The following CLCN2 variants were observed in gnomAD, a reference collection of about 807,000 sequenced individuals.
The protein encoded by CLCN2 is chloride channel protein 2.
A neutral mutation model predicts 108.3 loss-of-function variants in CLCN2; 72 were observed. That is an observed-to-expected ratio of 0.66 (90% CI 0.55 to 0.81). The LOEUF is 0.81. Ranked by LOEUF, CLCN2 falls within the 30% of genes least tolerant of loss-of-function variation. CLCN2 has a pLI of 0.00. For synonymous variants in CLCN2, 471 were observed against 467.1 expected (o/e 1.01, Z -0.11); for missense variants, 1,048 against 1,205.2 (o/e 0.87, Z 1.93).
At chr3:184,349,984 C>T (rs760313683) in intron 22 of CLCN2, among the ~76,000 whole-genome samples, 5 of 152,162 alleles carry the variant, frequency 3.3e-5, no homozygotes, top group Non-Finnish European at 5.9e-5. Context: ...TCTGAATGTT[C>T]CCCTCCTGAA....
chr3:184,347,479 T>C (rs1577299082), intron 22 of CLCN2: 1 of 301,884 alleles, frequency 3.3e-6, no homozygotes, highest in East Asian at 8.4e-5. Flanking sequence ...GGAGTGGCTG[T>C]GCAGCCCCAG....
chr3:184,351,173 A>C (rs1728062971), intron 22 of CLCN2, among the ~76,000 whole-genome samples: 2 of 152,104 alleles, frequency 1.3e-5, no homozygotes, highest in South Asian at 2.1e-4. Context: ...GTGTAAGCTG[A>C]ATGCCCAAGC....
At chr3:184,356,640 A>T in intron 10 of CLCN2, 1 of 133,784 alleles carries the variant, frequency 7.5e-6, no homozygotes, top group Non-Finnish European at 1.6e-5. Context: ...ACTCCGTCTC[A>T]AAAAAAAAAA....
rs769865992 is a variant in CLCN2, at chr3:184,357,756, A to T, written c.693+23T>A. The T allele has an allele frequency of 2.0e-5, 33 of 1,613,692 alleles. 1 individual carries two copies. In the South Asian group the frequency reaches 3.3e-4, roughly 16 times the overall value. ...GTGGGCTCAGCAGCCTCTGCCCCCT[A>T]CTTGCCCCAGGGTTCCCCTTACCTC... is the stretch of plus-strand genomic sequence containing the variant. On this transcript the variant is annotated intron_variant, in intron 6 of 23. Coordinates refer to ENST00000265593, the MANE Select transcript of CLCN2 (RefSeq NM_004366.6).
At chr3:184,352,237 A>G in intron 21 of CLCN2, 56 bp downstream of exon 21, 1 of 1,611,754 alleles carries the variant, frequency 6.2e-7, no homozygotes, top group Non-Finnish European at 8.5e-7. Context: ...AGCAGCCAAC[A>G]TGATGATTGA....
intron 22 of CLCN2, among the ~76,000 whole-genome samples, chr3:184,350,887 A>C (rs879890320): frequency 1.3e-5 from 2 of 152,220 alleles, no homozygotes; most frequent in Non-Finnish European, 2.9e-5. Context: ...TCTCGCACAT[A>C]GCAAGCACTC....
chr3:184,353,859 A>C (rs1258564272), intron 15 of CLCN2, 64 bp from the exon 16 acceptor site: 3 of 1,576,100 alleles, frequency 1.9e-6, no homozygotes, highest in Non-Finnish European at 2.6e-6. Flanking sequence ...GAGCATTGCC[A>C]TCCCAGGGCC....
At position 184,346,740 on chromosome 3, in the gene CLCN2, C is replaced by T. The variant is rs886403826; in HGVS notation, c.2563G>A (p.Ala855Thr). 2.5e-6 allele frequency: 4 copies of T among 1,614,014 alleles called. No individual in the cohort carries two copies. Among genetic ancestry groups the T allele is most frequent in the East Asian group, 4.5e-5 (2 of 44,886 alleles). Residue 855 changes from alanine (A) to threonine (T), a missense_variant, in exon 24 of 24, where the codon GCC becomes ACC. Ala to Thr is a moderately conservative substitution (Grantham distance 58). Transcript: ENST00000265593. This position sits in a 1 kb window ranked among gnomAD's most constrained non-coding sequence, Gnocchi z 6.0. ...CTGGTGGCACTGTCTCGGAAGCTGG[C>T]GAGGGGCGGCCGGACTTTCACACCC... Reference protein sequence around the residue: ...AQGVKVRPPLASFRDSATSSS... With the variant: ...AQGVKVRPPLTSFRDSATSSS...
Position 184,355,508 on chromosome 3 carries a change from C to T in CLCN2, c.1192G>A (p.Val398Ile), listed in dbSNP as rs1233558948. Reference sequence around the variant, plus strand: ...CACGTCCGATTGTCAAACAGGGTGACCAGCGTCTCTTTCTGTGAGAGCTAG... The same window carrying T: ...CACGTCCGATTGTCAAACAGGGTGATCAGCGTCTCTTTCTGTGAGAGCTAG... ...AGQLSQKETL[V>I]TLFDNRTWVR... is the part of the protein sequence containing the mutation. The change falls in exon 12 of 24, where the codon GTC becomes ATC. Residue 398 changes from valine to isoleucine, a missense_variant. Physicochemically the swap from Val to Ile is conservative, Grantham distance 29. Transcript: ENST00000265593. This position sits in a 1 kb window ranked among gnomAD's most constrained non-coding sequence, Gnocchi z 6.3. 8.7e-6 allele frequency: 14 copies of T among 1,613,952 alleles called. No homozygotes were observed. The highest frequency in any genetic ancestry group is 4.5e-5 in the East Asian group (2 of 44,888).
rs1288750989 is a variant in CLCN2, at chr3:184,353,247, C to T, written c.2028+3G>A. On this transcript the variant is annotated splice_donor_region_variant and intron_variant, in intron 17 of 23. Transcript: ENST00000265593. ...AGGAAGCGTTTGTGGCTTTTCCCCT[C>T]ACCTGGAAGCAGACAGAAGCCTCAG... 3.0e-5 allele frequency: 48 copies of T among 1,613,956 alleles called. No individual in the cohort carries two copies. The highest frequency in any genetic ancestry group is 3.8e-5 in the Non-Finnish European group (45 of 1,179,986).
At chr3:184,348,929 CTTT>C in intron 22 of CLCN2, 1 of 152,274 alleles carries the variant, frequency 6.6e-6, no homozygotes, top group Non-Finnish European at 1.5e-5. Flanking sequence ...CTGATGGGTT[CTTT>C]CTGCCTCCCT....
Position 184,357,204 on chromosome 3 carries a change from G to A in CLCN2, c.961C>T (p.Leu321=), listed in dbSNP as rs781668533. The change falls in exon 9 of 24, where the codon CTG becomes TTG. Residue 321 remains leucine, a synonymous_variant. Transcript: ENST00000265593. ...RLDFPFDLQE[L]PAFAVIGIAS... ...CACCCAATGACAGCAAAGGCTGGCA[G>A]CTCCTGCAGGTCAAAGGGGAAGTCG... The A allele has an allele frequency of 1.9e-6, 3 of 1,613,978 alleles. No homozygotes were observed. Among genetic ancestry groups the A allele is most frequent in the Admixed American group, 1.7e-5 (1 of 60,018 alleles).
At chr3:184,353,945 C>T in intron 15 of CLCN2, 150 bp from the exon 16 acceptor site, 2 of 1,393,378 alleles carry the variant, frequency 1.4e-6, no homozygotes, top group South Asian at 1.3e-5. Context: ...TCTTTCTGAA[C>T]AGCAGGGGCC....
chr3:184,350,820 C>A (rs879465112), intron 22 of CLCN2, among the ~76,000 whole-genome samples: 4 of 152,158 alleles, frequency 2.6e-5, no homozygotes, highest in Non-Finnish European at 2.9e-5. Flanking sequence ...ACTGGAGGAT[C>A]GCAATATCTA....
chr3:184,355,497 A>C lies in CLCN2; in HGVS notation c.1203T>G (p.Phe401Leu). The C allele has an allele frequency of 6.2e-7, 1 of 1,614,122 alleles. No homozygotes were observed. The highest frequency in any genetic ancestry group is 8.5e-7 in the Non-Finnish European group (1 of 1,180,020). Reference sequence around the variant, plus strand: ...CCTGGCGGACCCACGTCCGATTGTCAAACAGGGTGACCAGCGTCTCTTTCT... The same window carrying C: ...CCTGGCGGACCCACGTCCGATTGTCCAACAGGGTGACCAGCGTCTCTTTCT... Reference protein sequence around the residue: ...LSQKETLVTLFDNRTWVRQGL... With the variant: ...LSQKETLVTLLDNRTWVRQGL... Residue 401 changes from phenylalanine to leucine, a missense_variant, in exon 12 of 24, where the codon TTT becomes TTG. Phe to Leu is a conservative substitution (Grantham distance 22, BLOSUM62 0). Transcript: ENST00000265593. The surrounding 1 kb of genome is among the most constrained non-coding windows in gnomAD (Gnocchi z 6.3).
intron 1 of CLCN2, 92 bp from the exon 2 acceptor site, chr3:184,359,223 G>T: frequency 6.8e-7 from 1 of 1,461,724 alleles, no homozygotes; most frequent in Non-Finnish European, 9.6e-7. Flanking sequence ...TCTTCTCCCA[G>T]CCCCCACACT....
In CLCN2 at chr3:184,352,469, G is replaced by A; in HGVS notation, c.2245C>T (p.Leu749=). The change falls in exon 20 of 24, where the codon CTG becomes TTG. Residue 749 remains leucine, a synonymous_variant. Coordinates refer to ENST00000265593, the MANE Select transcript of CLCN2 (RefSeq NM_004366.6). ...EKLESCEKRK[L]KRVRISLASD... is the part of the protein sequence containing the mutation. ...GCCAGGGAGATTCGGACACGCTTCA[G>A]CTTGCGCTTCTCACAGGATTCCAAC... 1 of 1,613,354 alleles carries A rather than the reference G, an allele frequency of 6.2e-7. No homozygotes were observed. Among genetic ancestry groups the A allele is most frequent in the South Asian group, 1.1e-5 (1 of 91,014 alleles).
At chr3:184,348,621 C>T (rs1423827654) in intron 22 of CLCN2, 1 of 151,996 alleles carries the variant, frequency 6.6e-6, no homozygotes, top group Admixed American at 6.6e-5. Flanking sequence ...CCTTGTCTGA[C>T]TTCAGAGGGA....
chr3:184,354,133 G>A lies in CLCN2; in HGVS notation c.1689C>T (p.Pro563=), dbSNP rs1210416589. 4.3e-6 allele frequency: 7 copies of A among 1,612,620 alleles called. No homozygotes were observed. The highest frequency in any genetic ancestry group is 5.9e-6 in the Non-Finnish European group (7 of 1,179,862). ...YDSIIRIKKL[P]YLPELGWGRH... Reference sequence around the variant, plus strand: ...GGCCCCAGCCGAGCTCAGGCAGGTAGGGCAGTTTCTTGATTCGGATGATGC... The same window carrying A: ...GGCCCCAGCCGAGCTCAGGCAGGTAAGGCAGTTTCTTGATTCGGATGATGC... Residue 563 remains proline, a synonymous_variant, in exon 15 of 24, where the codon CCC becomes CCT. Transcript: ENST00000265593.
Sources: gnomAD v4.1 joint callset for allele counts (sites outside exome capture counted in the v4.1 genomes callset) on GRCh38, gnomAD v4.1.1 for gene constraint, Gnocchi (gnomAD v3.1) non-coding constraint, MANE v1.5 for transcripts, NCBI Gene and HGNC (gene_info 2026-07-23, HGNC 2026-07-21) for gene names.